The following ACAT2 variants were observed in gnomAD, a reference collection of about 807,000 sequenced individuals.
The protein encoded by ACAT2 is acetyl-CoA acetyltransferase 2.
In ACAT2, 26 loss-of-function variants were observed where a neutral mutation model predicts 37.1. The observed-to-expected ratio is 0.70, with a 90% CI of 0.51 to 0.97. The LOEUF (loss-of-function observed/expected upper bound fraction) is 0.97, where lower values mean the gene tolerates loss of function less well. ACAT2 is among the 50% of genes least tolerant of loss of function. The pLI, the probability that ACAT2 is intolerant of heterozygous loss-of-function variation, is 0.00. For synonymous variants in ACAT2, 156 were observed against 163.6 expected (o/e 0.95, Z 0.35); for missense variants, 468 against 489.0 (o/e 0.96, Z 0.40).
chr6:159,768,658 G>A (rs1252057983), intron 4 of ACAT2, 30 bp downstream of exon 4: 3 of 1,506,538 alleles, frequency 2.0e-6, no homozygotes, highest in Non-Finnish European at 2.8e-6. Flanking sequence ...AACTGTATTA[G>A]CTTTAAAAAG....
chr6:159,765,112 ATTTC>A (rs2114976033), intron 2 of ACAT2, among the ~76,000 whole-genome samples: 2 of 152,020 alleles, frequency 1.3e-5, no homozygotes, highest in Admixed American at 1.3e-4. Context: ...TTAGCACCTC[ATTTC>A]TTTCTTTTTC....
intron 4 of ACAT2, among the ~76,000 whole-genome samples, chr6:159,770,468 C>T (rs1780317924): frequency 1.3e-5 from 2 of 151,976 alleles, no homozygotes; most frequent in African/African-American, 2.4e-5. Flanking sequence ...TAAACAAGAA[C>T]CAAATAGAAA....
intron 7 of ACAT2, 112 bp downstream of exon 7, chr6:159,777,568 TTTA>T: frequency 8.0e-7 from 1 of 1,247,152 alleles, no homozygotes. Context: ...ACCAAGAGCA[TTTA>T]TTTCTATTTT....
chr6:159,768,746 A>G (rs1780293557), intron 4 of ACAT2, 118 bp downstream of exon 4: 1 of 572,720 alleles, frequency 1.7e-6, no homozygotes, highest in Admixed American at 2.9e-5. Flanking sequence ...GGATTTTTAT[A>G]TCTCTTCTTT....
chr6:159,778,117 C>T (rs1331110761), intron 7 of ACAT2, 53 bp from the exon 8 acceptor site: 5 of 1,245,384 alleles, frequency 4.0e-6, no homozygotes, highest in African/African-American at 1.5e-5. Context: ...AATGGTTTAA[C>T]TTTAGCCTTT....
chr6:159,779,061 C>G lies in ACAT2; in HGVS notation c.*232C>G. 6.2e-6 allele frequency: 10 copies of G among 1,613,790 alleles called. No homozygotes were observed. Among genetic ancestry groups the G allele is most frequent in the Non-Finnish European group, 8.5e-6 (10 of 1,179,766 alleles). ...AACATCAGATCAATCATTAAGGGCT[C>G]CAGAGTGAACAGCATCTTCATAACT... On this transcript the variant is annotated 3_prime_UTR_variant, in exon 9 of 9. Transcript: ENST00000367048.
rs1780471713 is a variant in ACAT2, at chr6:159,778,314, A to C, written c.1023+34A>C. 9 of 1,447,584 alleles carry C rather than the reference A, an allele frequency of 6.2e-6. No individual in the cohort carries two copies. In the East Asian group the frequency reaches 1.8e-4, roughly 30 times the overall value. 89.7% of individuals were successfully genotyped at this position (1,447,584 alleles called of 1,614,324 possible). A position where few individuals can be genotyped will look rare whatever the true frequency, so the allele number is the denominator to read the frequency against. ...GCACAAGTAACCCTGAGAGCTTACC[A>C]GTGAATTTCACAATCCAATTTTAAG... On this transcript the variant is annotated intron_variant, in intron 8 of 8. Transcript: ENST00000367048.
intron 2 of ACAT2, 130 bp from the exon 3 acceptor site, chr6:159,766,875 T>C (rs1780263410): frequency 1.2e-5 from 13 of 1,061,254 alleles, no homozygotes; most frequent in Non-Finnish European, 1.7e-5. Flanking sequence ...TTGCCTCCAG[T>C]GGGCACTTAC....
chr6:159,762,565 TCGTGACTTCGTCTCCTTCGTGC>T, intron 1 of ACAT2: 2 of 1,339,224 alleles, frequency 1.5e-6, no homozygotes, highest in Non-Finnish European at 1.9e-6. Flanking sequence ...TGGCTAGAAG[TCGTGACTTCGTCTCCTTCGTGC>T]CGCATGGTTT....
intron 2 of ACAT2, 128 bp downstream of exon 2, chr6:159,763,181 C>T: frequency 7.8e-7 from 1 of 1,286,482 alleles, no homozygotes; most frequent in Non-Finnish European, 1.1e-6. Flanking sequence ...CTTGCTTTTG[C>T]TCAGAGTTCC....
In ACAT2 at chr6:159,767,114, C is replaced by T; in HGVS notation, c.300C>T (p.Cys100=). Reference sequence around the variant, plus strand: ...GTGGGTCAGGCCTAAAAGCTGTGTGCCTTGCAGTCCAGTCAATAGGGATAG... The same window carrying T: ...GTGGGTCAGGCCTAAAAGCTGTGTGTCTTGCAGTCCAGTCAATAGGGATAG... The part of the protein sequence containing the change: ...MICGSGLKAV[C]LAVQSIGIGD... The change falls in exon 3 of 9, where the codon TGC becomes TGT. Residue 100 remains cysteine (C), a synonymous_variant. Coordinates refer to ENST00000367048, the MANE Select transcript of ACAT2 (RefSeq NM_005891.3). 1 of 1,614,182 alleles carries T rather than the reference C, an allele frequency of 6.2e-7. No individual in the cohort carries two copies. The highest frequency in any genetic ancestry group is 1.1e-5 in the South Asian group (1 of 91,090).
At chr6:159,764,025 C>T (rs1273936156) in intron 2 of ACAT2, among the ~76,000 whole-genome samples, 3 of 150,170 alleles carry the variant, frequency 2.0e-5, no homozygotes, top group Non-Finnish European at 3.0e-5. Flanking sequence ...GGCGTGAACC[C>T]GGGAGGCGGA....
chr6:159,764,872 T>C (rs1489466334), intron 2 of ACAT2, among the ~76,000 whole-genome samples: 2 of 152,206 alleles, frequency 1.3e-5, no homozygotes, highest in Admixed American at 1.3e-4. Context: ...GTTTAAGAGG[T>C]TAAATGACTT....
chr6:159,762,232 T>G, intron 1 of ACAT2, 90 bp downstream of exon 1: 1 of 1,442,018 alleles, frequency 6.9e-7, no homozygotes, highest in Admixed American at 2.5e-5. Context: ...GAGAGGGGCG[T>G]ATGTGGAGGA....
chr6:159,763,239 T>C (rs992627912), intron 2 of ACAT2, among the ~76,000 whole-genome samples, 186 bp downstream of exon 2: 1 of 152,180 alleles, frequency 6.6e-6, no homozygotes, highest in African/African-American at 2.4e-5. Context: ...GCCCTGTCAG[T>C]AGCTTCTATC....
intron 6 of ACAT2, 140 bp downstream of exon 6, chr6:159,776,412 AAT>A: frequency 9.1e-7 from 1 of 1,103,828 alleles, no homozygotes; most frequent in Non-Finnish European, 1.2e-6. Flanking sequence ...CGTGTGCAGC[AAT>A]ATGATCATTG....
chr6:159,764,215 C>G (rs893117454), intron 2 of ACAT2, among the ~76,000 whole-genome samples: 1 of 152,116 alleles, frequency 6.6e-6, no homozygotes, highest in African/African-American at 2.4e-5. Context: ...TATTCAGTTC[C>G]TCCTATGTGC....
At position 159,764,948 on chromosome 6, in the gene ACAT2, A is replaced by C. The variant is rs1252773593; in HGVS notation, c.190+1895A>C. ...AGATCTGTCCTATTCCTTGAGCCAG[A>C]TACCTTCTACAATCATGTAACAAAT... On this transcript the variant is annotated intron_variant, in intron 2 of 8. Coordinates refer to ENST00000367048, the MANE Select transcript of ACAT2 (RefSeq NM_005891.3). Among the ~76,000 whole-genome samples, 4 of 152,226 alleles carry C rather than the reference A, an allele frequency of 2.6e-5. No homozygotes were observed. The East Asian group carries it at 7.7e-4, about 29-fold the overall frequency.
At chr6:159,764,558 C>A (rs73601360) in intron 2 of ACAT2, among the ~76,000 whole-genome samples, 6,516 of 152,204 alleles carry the variant, frequency 0.043, 230 homozygotes, top group African/African-American at 0.082. Flanking sequence ...TATCCTCCCA[C>A]CTCAGCCTCT....
Sources: allele counts gnomAD v4.1 joint callset (sites outside exome capture counted in the v4.1 genomes callset), GRCh38; gene constraint gnomAD v4.1.1; transcripts MANE v1.5; gene names NCBI Gene and HGNC (gene_info 2026-07-23, HGNC 2026-07-21).